INVS: variants seen among roughly 807,000 people sequenced by gnomAD.
INVS encodes the protein inversion of embryo turning homolog.
A neutral mutation model predicts 108.8 loss-of-function variants in INVS; 86 were observed. The observed-to-expected ratio is 0.79, with a 90% confidence interval of 0.66 to 0.95. The LOEUF (loss-of-function observed/expected upper bound fraction) is 0.95, where lower values mean the gene tolerates loss of function less well. INVS is among the 40% of genes least tolerant of loss of function. The probability of loss-of-function intolerance (pLI) is 0.00; values close to 1 mark genes in which losing one functional copy is unlikely to be tolerated. For synonymous variants in INVS, 455 were observed against 473.5 expected, an observed-to-expected ratio of 0.96 and a Z score of 0.51; for missense variants, 1,169 against 1,297.4, an observed-to-expected ratio of 0.90 and a Z score of 1.52.
At chr9:100,184,979 T>C (rs1013122649) in intron 3 of INVS, among the ~76,000 whole-genome samples, 5 of 152,160 alleles carry the variant, frequency 3.3e-5, no homozygotes, top group Non-Finnish European at 7.4e-5. Flanking sequence ...ATGCATGCCA[T>C]AGATTTATTG....
At chr9:100,283,319 A>C (rs1833334655) in intron 12 of INVS, among the ~76,000 whole-genome samples, 1 of 152,132 alleles carries the variant, frequency 6.6e-6, no homozygotes, top group Non-Finnish European at 1.5e-5. Context: ...AAGATAAATA[A>C]ATACAAAATA....
At chr9:100,257,299 G>C (rs980610981) in intron 10 of INVS, among the ~76,000 whole-genome samples, 1 of 152,102 alleles carries the variant, frequency 6.6e-6, no homozygotes, top group African/African-American at 2.4e-5. Flanking sequence ...GAGCCTATGT[G>C]TGTCTCTGCA....
intron 3 of INVS, among the ~76,000 whole-genome samples, chr9:100,188,826 T>TTTG (rs912238878): frequency 2.6e-5 from 4 of 152,114 alleles, no homozygotes; most frequent in African/African-American, 7.2e-5. Context: ...TTGGGCGTTT[T>TTTG]TTGTTGTTGT....
intron 5 of INVS, among the ~76,000 whole-genome samples, chr9:100,239,132 C>T (rs1831785453): frequency 6.6e-6 from 1 of 152,168 alleles, no homozygotes; most frequent in African/African-American, 2.4e-5. Flanking sequence ...CCCCTTCTAG[C>T]TGTCTAGCCT....
At chr9:100,280,946 G>C (rs1833256073) in intron 12 of INVS, among the ~76,000 whole-genome samples, 1 of 152,084 alleles carries the variant, frequency 6.6e-6, no homozygotes, top group Admixed American at 6.5e-5. Context: ...TTAAAAATTA[G>C]CCTAAAAGTT....
At chr9:100,288,708 C>T (rs907193002) in intron 13 of INVS, among the ~76,000 whole-genome samples, 1 of 151,988 alleles carries the variant, frequency 6.6e-6, no homozygotes. Context: ...GCAACCTCTG[C>T]CTCCCAGGTT....
intron 3 of INVS, among the ~76,000 whole-genome samples, chr9:100,222,961 A>T (rs1250250127): frequency 1.3e-5 from 2 of 152,122 alleles, no homozygotes; most frequent in Non-Finnish European, 2.9e-5. Context: ...TACACTATTA[A>T]TGAAGCTCAG....
intron 3 of INVS, among the ~76,000 whole-genome samples, chr9:100,205,987 T>C (rs1183506635): frequency 6.6e-6 from 1 of 152,130 alleles, no homozygotes; most frequent in Non-Finnish European, 1.5e-5. Context: ...TTGTGAATCA[T>C]GCTCAACCAG....
chr9:100,285,614 C>T (rs1281653175), intron 13 of INVS, among the ~76,000 whole-genome samples: 1 of 152,170 alleles, frequency 6.6e-6, no homozygotes, highest in Admixed American at 6.5e-5. Context: ...GGAGCAATGT[C>T]CAGAGGAAAT....
At chr9:100,126,797 G>T (rs1827899240) in intron 3 of INVS, among the ~76,000 whole-genome samples, 1 of 152,202 alleles carries the variant, frequency 6.6e-6, no homozygotes, top group Non-Finnish European at 1.5e-5. Flanking sequence ...GGAAAAAAGT[G>T]ATCAAATTTA....
At chr9:100,104,427 C>A in intron 1 of INVS, 71 bp from the exon 2 acceptor site, 1 of 801,774 alleles carries the variant, frequency 1.2e-6, no homozygotes, top group East Asian at 2.5e-5. Context: ...ATAAAATACC[C>A]ACTTGGAACT....
chr9:100,284,708 C>T, intron 13 of INVS, 105 bp downstream of exon 13: 1 of 1,165,214 alleles, frequency 8.6e-7, no homozygotes, highest in Non-Finnish European at 1.2e-6. Context: ...ATATTAGCAC[C>T]TAGGACCGCC....
At chr9:100,144,404 T>C (rs917182138) in intron 3 of INVS, among the ~76,000 whole-genome samples, 1 of 152,188 alleles carries the variant, frequency 6.6e-6, no homozygotes, top group Non-Finnish European at 1.5e-5. Flanking sequence ...ATCAAATGTA[T>C]ATTGAGAATA....
At chr9:100,274,354 T>C (rs531556184) in intron 12 of INVS, among the ~76,000 whole-genome samples, 1 of 151,796 alleles carries the variant, frequency 6.6e-6, no homozygotes, top group African/African-American at 2.4e-5. Flanking sequence ...TCAGACTCTG[T>C]CTAAAAAAAG....
At chr9:100,237,139 G>A (rs1831712758) in intron 5 of INVS, among the ~76,000 whole-genome samples, 1 of 152,144 alleles carries the variant, frequency 6.6e-6, no homozygotes, top group Non-Finnish European at 1.5e-5. Flanking sequence ...CAAACTTCTT[G>A]GAGGCTTTGT....
intron 6 of INVS, among the ~76,000 whole-genome samples, chr9:100,241,996 A>G (rs2787395): frequency 0.32 from 48,364 of 152,094 alleles, 8,839 homozygotes; most frequent in Non-Finnish European, 0.43. Flanking sequence ...TCGCTGCCTT[A>G]TCATGCCTGC....
chr9:100,106,738 T>G (rs1385334268), intron 2 of INVS, among the ~76,000 whole-genome samples: 1 of 152,148 alleles, frequency 6.6e-6, no homozygotes, highest in East Asian at 1.9e-4. Flanking sequence ...ATGATGCTTC[T>G]ATTTCTGGGT....
At position 100,252,942 on chromosome 9, in the gene INVS, C is replaced by T; in HGVS notation, c.1270C>T (p.His424Tyr). The change falls in exon 10 of 17, where the codon CAT becomes TAT. Residue 424 changes from histidine to tyrosine, a missense_variant. By Grantham distance (83) the His-to-Tyr change is moderately conservative (BLOSUM62 2). This residue lies in a region of INVS where 271 missense variants were observed against 363.8 expected (regional missense o/e 0.74). Transcript: ENST00000262457. Reference protein sequence around the residue: ...ARVDLVDQDGHSLLHWAALGG... With the variant: ...ARVDLVDQDGYSLLHWAALGG... The stretch of plus-strand genomic sequence containing the variant: ...GGTAGATCTAGTTGACCAAGATGGA[C>T]ATTCTCTTCTACATTGGGCAGCACT... 6.2e-7 allele frequency: 1 copy of T among 1,613,608 alleles called. No homozygotes were observed. The highest frequency in any genetic ancestry group is 2.2e-5 in the East Asian group (1 of 44,856).
At chr9:100,272,537 T>A (rs766511666) in intron 11 of INVS, among the ~76,000 whole-genome samples, 7 of 152,206 alleles carry the variant, frequency 4.6e-5, no homozygotes, top group Non-Finnish European at 8.8e-5. Flanking sequence ...CCTTTTTAGA[T>A]GGGGCAGGGA....
Sources: allele counts gnomAD v4.1 joint callset (sites outside exome capture counted in the v4.1 genomes callset), GRCh38; gene constraint gnomAD v4.1.1; regional missense constraint gnomAD v4.1.1; transcripts MANE v1.5; gene names NCBI Gene and HGNC (gene_info 2026-07-23, HGNC 2026-07-21).